Variants in HPCAL1 observed in about 807,000 individuals in gnomAD.
HPCAL1 encodes the protein hippocalcin like 1.
A neutral mutation model predicts 17.1 loss-of-function variants in HPCAL1; 8 were observed. The observed-to-expected ratio is 0.47, with a 90% CI of 0.27 to 0.84. The LOEUF is 0.84. Among genes scored for constraint, HPCAL1 ranks in the 40% least tolerant of loss-of-function variants. The pLI is 0.13. For synonymous variants in HPCAL1, 112 were observed against 111.4 expected (o/e 1.01, Z -0.03); for missense variants, 165 against 271.1 (o/e 0.61, Z 2.75).
chr2:10,409,491 A>G (rs1171377191), intron 2 of HPCAL1, among the ~76,000 whole-genome samples: 1 of 152,208 alleles, frequency 6.6e-6, no homozygotes, highest in Admixed American at 6.5e-5. Flanking sequence ...TTTGGAGGAA[A>G]GAAGGACACA....
intron 4 of HPCAL1, chr2:10,426,192 T>C (rs1216308454): frequency 6.5e-6 from 1 of 153,004 alleles, no homozygotes; most frequent in Non-Finnish European, 1.5e-5. Context: ...GGGCAGCTGA[T>C]TCCTTAGCAC....
intron 2 of HPCAL1, among the ~76,000 whole-genome samples, chr2:10,410,165 T>A (rs369835859): frequency 6.6e-6 from 1 of 152,172 alleles, no homozygotes; most frequent in Non-Finnish European, 1.5e-5. Flanking sequence ...CAGAGTCTGG[T>A]TGGCCTGGCA....
intron 1 of HPCAL1, among the ~76,000 whole-genome samples, chr2:10,324,985 G>C (rs1242215293): frequency 6.8e-6 from 1 of 148,018 alleles, no homozygotes; most frequent in Non-Finnish European, 1.5e-5. Context: ...ACCACGCCCA[G>C]CAATTTTTTT....
chr2:10,375,453 G>C (rs1297442296), intron 1 of HPCAL1, among the ~76,000 whole-genome samples: 1 of 152,134 alleles, frequency 6.6e-6, no homozygotes, highest in Non-Finnish European at 1.5e-5. Context: ...CCGTGGGGGA[G>C]GGGGGCCAGG....
chr2:10,356,842 C>T (rs999108265), intron 1 of HPCAL1, among the ~76,000 whole-genome samples: 3 of 152,202 alleles, frequency 2.0e-5, no homozygotes, highest in African/African-American at 4.8e-5. Context: ...CCCACAGACT[C>T]CTCCCTGCGG....
chr2:10,326,513 C>T (rs542487928), intron 1 of HPCAL1, among the ~76,000 whole-genome samples: 5 of 152,166 alleles, frequency 3.3e-5, no homozygotes, highest in Non-Finnish European at 5.9e-5. Flanking sequence ...GCCTGGGGTG[C>T]GTGCTGGCCT....
chr2:10,322,989 GAC>G (rs1663771325), intron 1 of HPCAL1, among the ~76,000 whole-genome samples: 1 of 152,260 alleles, frequency 6.6e-6, no homozygotes, highest in African/African-American at 2.4e-5. Flanking sequence ...GCAAGCCTGG[GAC>G]ACACGCTGCC....
In HPCAL1 at chr2:10,354,406, T is replaced by C. The variant is rs1666013543; in HGVS notation, c.-110-42429T>C. 1.3e-5 allele frequency: 2 copies of C among 152,262 alleles called. No homozygotes were observed. Among genetic ancestry groups the C allele is most frequent in the African/African-American group, 4.8e-5 (2 of 41,464 alleles). The allele number at this position is 152,262 out of a possible 1,614,324, so 9.4% of individuals were successfully genotyped here. The stretch of plus-strand genomic sequence containing the variant: ...TGTAAGGGGACACTTTGCTCAACTG[T>C]TCACTTGAACAGAGTCTTCAATGTC... On this transcript the variant is annotated intron_variant, in intron 1 of 4. Coordinates refer to ENST00000307845, the MANE Select transcript of HPCAL1 (RefSeq NM_002149.4). The surrounding 1 kb of genome is among the most constrained non-coding windows in gnomAD (Gnocchi z 5.1).
In HPCAL1 at chr2:10,303,008, T is replaced by G. The variant is rs1383617970; in HGVS notation, c.-280T>G. 6.6e-6 allele frequency: 1 copy of G among 151,698 alleles called. No homozygotes were observed. Among genetic ancestry groups the G allele is most frequent in the Non-Finnish European group, 1.5e-5 (1 of 67,896 alleles). The allele number at this position is 151,698 out of a possible 1,614,324, so 9.4% of individuals were successfully genotyped here. ...TTCCTTTTGTCTTTCTGGGCGGCGA[T>G]GAGCGCAGGGCCGGCGCAGCAGCTG... On this transcript the variant is annotated 5_prime_UTR_variant, in exon 1 of 5. An upstream start codon of the reference 5' UTR is lost. Coordinates refer to ENST00000307845, the MANE Select transcript of HPCAL1 (RefSeq NM_002149.4).
chr2:10,393,308 C>T (rs1249380908), intron 1 of HPCAL1, among the ~76,000 whole-genome samples: 1 of 152,194 alleles, frequency 6.6e-6, no homozygotes, highest in African/African-American at 2.4e-5. Context: ...ATTTGCAATT[C>T]GAGTTAATGG....
intron 1 of HPCAL1, among the ~76,000 whole-genome samples, chr2:10,348,427 C>T (rs141027807): frequency 0.015 from 2,254 of 151,988 alleles, 46 homozygotes; most frequent in South Asian, 0.046. Context: ...CCAGCCTGCA[C>T]GACAGAGCAA....
intron 1 of HPCAL1, among the ~76,000 whole-genome samples, chr2:10,351,941 T>C (rs1173024159): frequency 4.5e-4 from 67 of 149,618 alleles, no homozygotes; most frequent in African/African-American, 1.5e-3. Flanking sequence ...GTCTCACTCT[T>C]GCCCAGGCTG....
intron 2 of HPCAL1, among the ~76,000 whole-genome samples, chr2:10,407,247 A>G (rs960745899): frequency 6.6e-6 from 1 of 152,218 alleles, no homozygotes; most frequent in African/African-American, 2.4e-5. Flanking sequence ...GATTTCCAGA[A>G]TACCGAGTCT....
intron 1 of HPCAL1, among the ~76,000 whole-genome samples, chr2:10,336,344 C>T (rs1296773699): frequency 6.6e-6 from 1 of 152,162 alleles, no homozygotes; most frequent in Admixed American, 6.5e-5. Flanking sequence ...AATCCTTTGT[C>T]AGTTCATGCT....
intron 1 of HPCAL1, among the ~76,000 whole-genome samples, chr2:10,316,287 A>G (rs900074961): frequency 6.6e-6 from 1 of 152,084 alleles, no homozygotes; most frequent in African/African-American, 2.4e-5. Context: ...TGTCATTCTA[A>G]TATGTTTCAG....
At chr2:10,329,811 C>A (rs961765518) in intron 1 of HPCAL1, among the ~76,000 whole-genome samples, 1 of 152,240 alleles carries the variant, frequency 6.6e-6, no homozygotes, top group Admixed American at 6.5e-5. Flanking sequence ...ATGCAAAGTT[C>A]ATGGTTCTAC....
chr2:10,313,452 C>CTT (rs1423524473), intron 1 of HPCAL1, among the ~76,000 whole-genome samples: 1 of 152,228 alleles, frequency 6.6e-6, no homozygotes, highest in African/African-American at 2.4e-5. Flanking sequence ...AATCTTAACA[C>CTT]CTTGCCTGAG....
At chr2:10,312,208 AT>A (rs1663015643) in intron 1 of HPCAL1, among the ~76,000 whole-genome samples, 3 of 25,518 alleles carry the variant, frequency 1.2e-4, no homozygotes, top group Non-Finnish European at 1.9e-4. Context: ...CACTGTCATC[AT>A]CAACATCCAT....
Position 10,363,765 on chromosome 2 carries a change from G to A in HPCAL1, c.-110-33070G>A, listed in dbSNP as rs532872674. ...AAGGCTGGGGAGCCAGGCTTGTTTC[G>A]GATCTCCAGTCCTTGTGTGGGCTGC... On this transcript the variant is annotated intron_variant, in intron 1 of 4. Transcript: ENST00000307845. This position sits in a 1 kb window ranked among gnomAD's most constrained non-coding sequence, Gnocchi z 4.7. Among the ~76,000 whole-genome samples the A allele has an allele frequency of 6.6e-6, 1 of 152,180 alleles. No homozygotes were observed. The highest frequency in any genetic ancestry group is 1.5e-5 in the Non-Finnish European group (1 of 68,022).
Sources: gnomAD v4.1 joint callset for allele counts (sites outside exome capture counted in the v4.1 genomes callset) on GRCh38, gnomAD v4.1.1 for gene constraint, Gnocchi (gnomAD v3.1) non-coding constraint, MANE v1.5 for transcripts, NCBI Gene and HGNC (gene_info 2026-07-23, HGNC 2026-07-21) for gene names.